BUD13: variants seen among roughly 807,000 people sequenced by gnomAD.
BUD13 encodes the protein BUD13 spliceosome associated protein.
In BUD13, 47 loss-of-function variants were observed where a neutral mutation model predicts 62.5. The ratio of observed to expected loss-of-function variants is 0.75; its 90% confidence interval spans 0.60 to 0.96. BUD13 has a LOEUF of 0.96. Ranked by LOEUF, BUD13 falls within the 40% of genes least tolerant of loss-of-function variation. BUD13 has a pLI of 0.00. For missense variants in BUD13, 821 were observed against 790.9 expected, an observed-to-expected ratio of 1.04 and a Z score of -0.46; for synonymous variants, 293 against 280.1, an observed-to-expected ratio of 1.05 and a Z score of -0.46.
At chr11:116,761,631 C>T (rs758768962) in intron 4 of BUD13, among the ~76,000 whole-genome samples, 44 of 152,192 alleles carry the variant, frequency 2.9e-4, no homozygotes, top group Non-Finnish European at 4.8e-4. Flanking sequence ...TTGTAGTCAG[C>T]TCTCCATAGT....
At chr11:116,753,537 A>G (rs1940276806) in intron 9 of BUD13, among the ~76,000 whole-genome samples, 1 of 152,248 alleles carries the variant, frequency 6.6e-6, no homozygotes, top group Admixed American at 6.5e-5. Flanking sequence ...CAGAACTCAA[A>G]GTCTCTACAG....
chr11:116,752,910 C>T (rs1046183532), intron 9 of BUD13, among the ~76,000 whole-genome samples: 1 of 152,182 alleles, frequency 6.6e-6, no homozygotes, highest in Non-Finnish European at 1.5e-5. Context: ...GTACTACAGA[C>T]ACACGCCACC....
rs373045703 is a variant in BUD13, at chr11:116,748,588, G to A, written c.1767-13C>T. ...AAATCCATTGGATCTGCAATCAAAA[G>A]AGACATACTATTCAGCTAGAACCCT... On this transcript the variant is annotated splice_polypyrimidine_tract_variant and intron_variant, in intron 9 of 9. Transcript: ENST00000260210. 188 of 1,613,372 alleles carry A rather than the reference G, an allele frequency of 1.2e-4. No individual in the cohort carries two copies. Among genetic ancestry groups the A allele is most frequent in the Non-Finnish European group, 1.5e-4 (181 of 1,179,364 alleles).
intron 6 of BUD13, 56 bp downstream of exon 6, chr11:116,759,018 T>TAAAA: frequency 1.6e-4 from 171 of 1,081,884 alleles, no homozygotes; most frequent in Middle Eastern, 2.1e-4. Context: ...TAAGCTAAAT[T>TAAAA]AAAAAAAAAA....
intron 9 of BUD13, among the ~76,000 whole-genome samples, chr11:116,751,833 G>C (rs532398362): frequency 6.6e-6 from 1 of 152,310 alleles, no homozygotes; most frequent in South Asian, 2.1e-4. Context: ...AATTGCAGGA[G>C]AACTCACAGT....
chr11:116,770,588 G>A (rs1443012383), intron 1 of BUD13, among the ~76,000 whole-genome samples: 3 of 151,298 alleles, frequency 2.0e-5, no homozygotes, highest in Non-Finnish European at 4.4e-5. Flanking sequence ...TCTGCCTCCC[G>A]GGTTCACACC....
intron 9 of BUD13, among the ~76,000 whole-genome samples, chr11:116,755,872 T>C (rs974442428): frequency 6.6e-6 from 1 of 152,146 alleles, no homozygotes. Context: ...TATCAATATA[T>C]ATAATCCACA....
chr11:116,763,724 G>A (rs550842046), intron 3 of BUD13, among the ~76,000 whole-genome samples: 10 of 152,226 alleles, frequency 6.6e-5, no homozygotes, highest in Non-Finnish European at 1.5e-4. Context: ...GGCTCCTACT[G>A]ATATTTTGCC....
rs1940470506 is a variant in BUD13 at position 116,763,200 on chromosome 11, C to T, written c.389G>A (p.Arg130Lys). 6.3e-7 allele frequency: 1 copy of T among 1,581,258 alleles called. No individual in the cohort carries two copies. Among genetic ancestry groups the T allele is most frequent in the African/African-American group, 1.4e-5 (1 of 74,036 alleles). ...TGGATCTGGGGTACCATGACGGACCCTCCTAGGAGATGAATCCGGGGTATC... is the reference window on the plus strand; with the variant it reads ...TGGATCTGGGGTACCATGACGGACCTTCCTAGGAGATGAATCCGGGGTATC... ...RHDTPDSSPR[R>K]VRHGTPDPSP... The change falls in exon 4 of 10, where the codon AGG (arginine) becomes AAG (lysine). Residue 130 changes from arginine (R) to lysine (K), a missense_variant. Arg to Lys is a conservative substitution (Grantham distance 26). Around this residue, in one of 2 missense-constraint regions of BUD13, gnomAD observed 800 missense variants for 739.2 expected, o/e 1.08. Transcript: ENST00000260210.
chr11:116,763,687 C>T (rs1428119636), intron 3 of BUD13, among the ~76,000 whole-genome samples: 1 of 152,122 alleles, frequency 6.6e-6, no homozygotes, highest in African/African-American at 2.4e-5. Context: ...TTTCTAAAAC[C>T]TCATTTGTGC....
intron 3 of BUD13, among the ~76,000 whole-genome samples, chr11:116,765,084 T>C (rs1415684188): frequency 1.3e-5 from 2 of 152,176 alleles, no homozygotes; most frequent in South Asian, 2.1e-4. Context: ...TGCTCTCCTA[T>C]TCTGAGTCAA....
At chr11:116,756,121 T>C (rs1285350930) in intron 9 of BUD13, among the ~76,000 whole-genome samples, 1 of 152,068 alleles carries the variant, frequency 6.6e-6, no homozygotes, top group Non-Finnish European at 1.5e-5. Flanking sequence ...AGCATGAGAA[T>C]TGCTTGAACC....
At position 116,748,220 on chromosome 11, in the gene BUD13, C is replaced by A; in HGVS notation, c.*262G>T. 5.3e-6 allele frequency: 2 copies of A among 376,826 alleles called. No homozygotes were observed. The highest frequency in any genetic ancestry group is 4.2e-5 in the Admixed American group (1 of 23,712). 23.3% of individuals were successfully genotyped at this position (376,826 alleles called of 1,614,324 possible). A position where few individuals can be genotyped will look rare whatever the true frequency, so the allele number is the denominator to read the frequency against. ...TTATTTAAAAAAGAAAAAGAAAAAC[C>A]CTACCAAGAACAAACCCTGGTCAAT... On this transcript the variant is annotated 3_prime_UTR_variant, in exon 10 of 10. Transcript: ENST00000260210.
chr11:116,766,407 C>G (rs892031378), intron 2 of BUD13, among the ~76,000 whole-genome samples: 1 of 152,214 alleles, frequency 6.6e-6, no homozygotes, highest in African/African-American at 2.4e-5. Flanking sequence ...AATTTAAATC[C>G]AGGTCATAAT....
intron 2 of BUD13, among the ~76,000 whole-genome samples, chr11:116,769,209 T>C (rs1940581745): frequency 6.6e-6 from 1 of 152,098 alleles, no homozygotes; most frequent in Admixed American, 6.6e-5. Flanking sequence ...TGGCTCTTAC[T>C]TACCCTTCAA....
rs201831610 is a variant in BUD13, at chr11:116,763,025, T to G, written c.564A>C (p.Ser188=). The change falls in exon 4 of 10, where the codon TCA becomes TCC. Residue 188 remains serine (S), a synonymous_variant. Transcript: ENST00000260210. The part of the protein sequence containing the change: ...RRIRHDSSDT[S]PPRRARHDSP... ...AATCATGACGGGCCCTCCTTGGGGG[T>G]GAAGTGTCTGAGGAGTCATGACGGA... is the stretch of plus-strand genomic sequence containing the variant. The G allele has an allele frequency of 3.2e-5, 52 of 1,612,262 alleles. No homozygotes were observed. The South Asian group carries it at 4.3e-4, about 13-fold the overall frequency.
chr11:116,748,303 G>A lies in BUD13; in HGVS notation c.*179C>T. ...CAGCCGGTGCTGTCACACCCAAGAA[G>A]TACAGGTACCTCAGTCCAAACATCA... On this transcript the variant is annotated 3_prime_UTR_variant, in exon 10 of 10. Transcript: ENST00000260210. 3.4e-6 allele frequency: 2 copies of A among 579,878 alleles called. No homozygotes were observed. Among genetic ancestry groups the A allele is most frequent in the Non-Finnish European group, 3.1e-6 (1 of 325,478 alleles). The allele number at this position is 579,878 out of a possible 1,614,324, so 35.9% of individuals were successfully genotyped here.
At chr11:116,753,921 C>T (rs1940282967) in intron 9 of BUD13, among the ~76,000 whole-genome samples, 1 of 152,216 alleles carries the variant, frequency 6.6e-6, no homozygotes, top group Admixed American at 6.5e-5. Context: ...AACACCTTGA[C>T]CTCACTGACT....
chr11:116,753,014 G>C (rs1435651978), intron 9 of BUD13, among the ~76,000 whole-genome samples: 1 of 152,192 alleles, frequency 6.6e-6, no homozygotes, highest in African/African-American at 2.4e-5. Flanking sequence ...AGACATTGCA[G>C]AGTAACCCGA....
Sources: gnomAD v4.1 joint callset for allele counts (sites outside exome capture counted in the v4.1 genomes callset) on GRCh38, gnomAD v4.1.1 for gene constraint, gnomAD v4.1.1 regional missense constraint, MANE v1.5 for transcripts, NCBI Gene and HGNC (gene_info 2026-07-23, HGNC 2026-07-21) for gene names.